KCTD16: variants seen among roughly 807,000 people sequenced by gnomAD.
The protein encoded by KCTD16 is potassium channel tetramerization domain containing 16, also known as BTB/POZ domain-containing protein KCTD16.
KCTD16 carries 13 observed loss-of-function variants against 33.2 expected under a neutral mutation model. The observed-to-expected ratio is 0.39, with a 90% confidence interval of 0.25 to 0.62. KCTD16 has a LOEUF of 0.62. Among genes scored for constraint, KCTD16 ranks in the 20% least tolerant of loss-of-function variants. KCTD16 has a pLI of 0.50. For synonymous variants in KCTD16, 197 were observed against 195.3 expected, an observed-to-expected ratio of 1.01 and a Z score of -0.07; for missense variants, 441 against 525.1, an observed-to-expected ratio of 0.84 and a Z score of 1.57.
At chr5:144,234,513 T>A (rs1384082376) in intron 3 of KCTD16, among the ~76,000 whole-genome samples, 1 of 152,100 alleles carries the variant, frequency 6.6e-6, no homozygotes, top group Non-Finnish European at 1.5e-5. Context: ...GCTGAACAAG[T>A]GAACACAGTG....
chr5:144,416,955 A>T (rs1753068267), intron 3 of KCTD16, among the ~76,000 whole-genome samples: 1 of 152,164 alleles, frequency 6.6e-6, no homozygotes, highest in Non-Finnish European at 1.5e-5. Flanking sequence ...TCAATACTTC[A>T]TTCCTTTTTA....
chr5:144,415,822 G>T (rs1425382086), intron 3 of KCTD16, among the ~76,000 whole-genome samples: 1 of 152,272 alleles, frequency 6.6e-6, no homozygotes, highest in East Asian at 1.9e-4. Context: ...CAATACCAAG[G>T]AATAGGACTT....
chr5:144,377,189 T>A (rs528997485), intron 3 of KCTD16, among the ~76,000 whole-genome samples: 1 of 152,308 alleles, frequency 6.6e-6, no homozygotes, highest in East Asian at 1.9e-4. Context: ...TATTGGACTG[T>A]CTCTCTTTTT....
intron 3 of KCTD16, among the ~76,000 whole-genome samples, chr5:144,388,289 T>G (rs951737077): frequency 2.0e-5 from 3 of 151,686 alleles, no homozygotes; most frequent in Non-Finnish European, 2.9e-5. Context: ...CACCGTGTTA[T>G]CCAGGATGGT....
chr5:144,174,277 G>C (rs2126769206), intron 1 of KCTD16, 30 bp from the exon 2 acceptor site: 1 of 152,232 alleles, frequency 6.6e-6, no homozygotes, highest in East Asian at 1.9e-4. Flanking sequence ...AGATATTTTA[G>C]AGTTACTTTC....
At chr5:144,231,210 T>C (rs892304720) in intron 3 of KCTD16, among the ~76,000 whole-genome samples, 2 of 152,160 alleles carry the variant, frequency 1.3e-5, no homozygotes, top group Admixed American at 6.5e-5. Flanking sequence ...AATTGTAAGA[T>C]TTGGGGTATT....
At chr5:144,323,619 G>A (rs996011429) in intron 3 of KCTD16, among the ~76,000 whole-genome samples, 5 of 152,158 alleles carry the variant, frequency 3.3e-5, no homozygotes, top group Admixed American at 6.5e-5. Flanking sequence ...ACTGGGGAAA[G>A]TCCATGGAAA....
chr5:144,183,950 A>G (rs1287775196), intron 2 of KCTD16, among the ~76,000 whole-genome samples: 1 of 152,160 alleles, frequency 6.6e-6, no homozygotes, highest in Non-Finnish European at 1.5e-5. Flanking sequence ...AACTCCTTGA[A>G]CTACCTCACC....
chr5:144,250,558 G>A (rs1279100881), intron 3 of KCTD16, among the ~76,000 whole-genome samples: 4 of 152,170 alleles, frequency 2.6e-5, no homozygotes, highest in Non-Finnish European at 5.9e-5. Context: ...GTTCCGAGAA[G>A]TATACAGTTT....
intron 3 of KCTD16, among the ~76,000 whole-genome samples, chr5:144,366,366 T>C (rs1274009763): frequency 6.6e-6 from 1 of 152,210 alleles, no homozygotes; most frequent in Non-Finnish European, 1.5e-5. Context: ...CCACTGATGT[T>C]TGCACCATAC....
intron 3 of KCTD16, among the ~76,000 whole-genome samples, chr5:144,381,033 T>G (rs958120217): frequency 6.6e-6 from 1 of 152,100 alleles, no homozygotes; most frequent in Non-Finnish European, 1.5e-5. Context: ...TAGAATGGGA[T>G]AAGACATTTG....
chr5:144,362,315 A>G (rs931927819), intron 3 of KCTD16, among the ~76,000 whole-genome samples: 1 of 152,212 alleles, frequency 6.6e-6, no homozygotes, highest in African/African-American at 2.4e-5. Flanking sequence ...TGATGCAGAT[A>G]TGGAGAGGAA....
intron 3 of KCTD16, among the ~76,000 whole-genome samples, chr5:144,261,252 C>T (rs1454644564): frequency 2.7e-5 from 4 of 146,604 alleles, no homozygotes; most frequent in African/African-American, 1.0e-4. Flanking sequence ...ATTTCCTTTA[C>T]ACAAAGCTGG....
chr5:144,204,171 T>C (rs1264790753), intron 2 of KCTD16, among the ~76,000 whole-genome samples: 1 of 152,234 alleles, frequency 6.6e-6, no homozygotes, highest in Non-Finnish European at 1.5e-5. Context: ...AGCTAATTTT[T>C]TGGGCAAGAG....
intron 3 of KCTD16, among the ~76,000 whole-genome samples, chr5:144,471,638 C>T (rs747616837): frequency 3.9e-5 from 6 of 152,108 alleles, no homozygotes; most frequent in Non-Finnish European, 8.8e-5. Flanking sequence ...AAAATGATCC[C>T]CTCAAAATGT....
rs75612006 is a variant in KCTD16, at chr5:144,483,869, T to C, written c.*9755T>C. On this transcript the variant is annotated 3_prime_UTR_variant, in exon 4 of 4. Coordinates refer to ENST00000512467, the MANE Select transcript of KCTD16 (RefSeq NM_020768.4). ...AATTAAGCACGGTCACTGAATCCTTTTTTCACCAGCCTTCTAAAGATGTTG... is the reference window on the plus strand; with the variant it reads ...AATTAAGCACGGTCACTGAATCCTTCTTTCACCAGCCTTCTAAAGATGTTG... 0.011 allele frequency: 1,741 copies of C among 152,028 alleles called. 15 individuals carry two copies. Among genetic ancestry groups the C allele is most frequent in the South Asian group, 0.037 (178 of 4,820 alleles). The allele number at this position is 152,028 out of a possible 1,614,324, so 9.4% of individuals were successfully genotyped here. A position where few individuals can be genotyped will look rare whatever the true frequency, so the allele number is the denominator to read the frequency against.
At chr5:144,218,150 T>G (rs1415493303) in intron 3 of KCTD16, among the ~76,000 whole-genome samples, 4 of 152,172 alleles carry the variant, frequency 2.6e-5, no homozygotes, top group Non-Finnish European at 4.4e-5. Flanking sequence ...CCTCCAGTAA[T>G]TCACCTGTGA....
At chr5:144,202,333 C>T (rs530008695) in intron 2 of KCTD16, among the ~76,000 whole-genome samples, 9 of 152,200 alleles carry the variant, frequency 5.9e-5, no homozygotes, top group Admixed American at 1.3e-4. Context: ...ACCAAACAGC[C>T]GGGCTTACCG....
intron 3 of KCTD16, among the ~76,000 whole-genome samples, chr5:144,416,708 T>G (rs1753062350): frequency 6.6e-6 from 1 of 152,164 alleles, no homozygotes; most frequent in Admixed American, 6.6e-5. Context: ...AACTACCATC[T>G]ATATCAAGCT....
Sources: gnomAD v4.1 joint callset for allele counts (sites outside exome capture counted in the v4.1 genomes callset) on GRCh38, gnomAD v4.1.1 for gene constraint, MANE v1.5 for transcripts, NCBI Gene and HGNC (gene_info 2026-07-23, HGNC 2026-07-21) for gene names.